The following TNKS2 variants were observed in gnomAD, a reference collection of about 807,000 sequenced individuals.
TNKS2 encodes the protein poly [ADP-ribose] polymerase tankyrase-2.
Under a neutral mutation model 137.6 loss-of-function variants are expected in TNKS2, and 72 were observed. The ratio of observed to expected loss-of-function variants is 0.52; its 90% CI spans 0.43 to 0.64. The LOEUF is 0.64. Ranked by LOEUF, TNKS2 falls within the 30% of genes least tolerant of loss-of-function variation. The probability of loss-of-function intolerance (pLI) is 0.00; values close to 1 mark genes in which losing one functional copy is unlikely to be tolerated. For missense variants in TNKS2, 1,049 were observed against 1,410.2 expected, an observed-to-expected ratio of 0.74 and a Z score of 4.10; for synonymous variants, 516 against 512.1, an observed-to-expected ratio of 1.01 and a Z score of -0.10.
In TNKS2 at chr10:91,840,660, G is replaced by C. The variant is rs548226195; in HGVS notation, c.1627G>C (p.Glu543Gln). 3.5e-5 allele frequency: 56 copies of C among 1,614,018 alleles called. No individual in the cohort carries two copies. The highest frequency in any genetic ancestry group is 8.3e-5 in the Admixed American group (5 of 60,004). ...TGGGTATAACAGAGTGTCCGTGGTG[G>C]AATATCTGCTACAGCATGGAGCTGA... ...AAGYNRVSVV[E>Q]YLLQHGADVH... Residue 543 changes from glutamate to glutamine, a missense_variant, in exon 14 of 27, where the codon GAA becomes CAA. By Grantham distance (29) the Glu-to-Gln change is conservative. This residue lies in a region of TNKS2 where 328 missense variants were observed against 436.0 expected (regional missense o/e 0.75). Transcript: ENST00000371627.
At chr10:91,817,785 C>CCGTT (rs1844758491) in intron 3 of TNKS2, among the ~76,000 whole-genome samples, 1 of 152,172 alleles carries the variant, frequency 6.6e-6, no homozygotes, top group Non-Finnish European at 1.5e-5. Flanking sequence ...GTCCTTGGAA[C>CCGTT]CTATTGCTAT....
At chr10:91,807,543 A>G (rs1360266035) in intron 1 of TNKS2, 4 of 1,048,870 alleles carry the variant, frequency 3.8e-6, no homozygotes, top group South Asian at 2.6e-5. Flanking sequence ...CTGCAATGCC[A>G]TTCTTTCTTA....
chr10:91,810,669 AT>A (rs989411678), intron 1 of TNKS2, among the ~76,000 whole-genome samples: 122 of 141,614 alleles, frequency 8.6e-4, no homozygotes, highest in African/African-American at 9.8e-4. Context: ...CGCCCAGCTA[AT>A]TTTTTTTTTT....
chr10:91,855,548 T>C (rs1460358337), intron 22 of TNKS2, 66 bp from the exon 23 acceptor site: 2 of 1,252,338 alleles, frequency 1.6e-6, no homozygotes, highest in African/African-American at 1.5e-5. Context: ...TCAAGAACCA[T>C]GTTCCCCAAA....
chr10:91,806,217 A>T (rs767112038), intron 1 of TNKS2, among the ~76,000 whole-genome samples: 3 of 152,224 alleles, frequency 2.0e-5, no homozygotes, highest in Non-Finnish European at 2.9e-5. Flanking sequence ...TGAGGAATCA[A>T]CATTACATTT....
chr10:91,833,957 CATT>C lies in TNKS2; in HGVS notation c.1383_1385del (p.Ile462del), dbSNP rs1841907444. Reference sequence around the variant, plus strand: ...TCCTGAGCTATGGGTGTGATCCTAACATTATATCCCTTCAGGGCTTTACTGCTT... The same window carrying C: ...TCCTGAGCTATGGGTGTGATCCTAACATATCCCTTCAGGGCTTTACTGCTT... On this transcript the variant is annotated inframe_deletion, in exon 12 of 27. Coordinates refer to ENST00000371627, the MANE Select transcript of TNKS2 (RefSeq NM_025235.4). 1 of 1,613,642 alleles carries C rather than the reference CATT, an allele frequency of 6.2e-7. No individual in the cohort carries two copies. Among genetic ancestry groups the C allele is most frequent in the Admixed American group, 1.7e-5 (1 of 59,914 alleles).
At chr10:91,834,650 T>C (rs1244707865) in intron 12 of TNKS2, among the ~76,000 whole-genome samples, 1 of 152,248 alleles carries the variant, frequency 6.6e-6, no homozygotes, top group Non-Finnish European at 1.5e-5. Context: ...ATGATCTTTA[T>C]GCCTTTGTTC....
chr10:91,837,406 C>T (rs1313128407), intron 13 of TNKS2, among the ~76,000 whole-genome samples: 1 of 152,144 alleles, frequency 6.6e-6, no homozygotes, highest in Non-Finnish European at 1.5e-5. Context: ...ATTTCTTCAC[C>T]CCATCTACCT....
At chr10:91,853,120 G>A (rs954986399) in intron 21 of TNKS2, among the ~76,000 whole-genome samples, 1 of 152,186 alleles carries the variant, frequency 6.6e-6, no homozygotes, top group Non-Finnish European at 1.5e-5. Flanking sequence ...AGGATAACAA[G>A]AGTCTTTTAG....
intron 2 of TNKS2, among the ~76,000 whole-genome samples, chr10:91,816,102 C>A (rs2133606311): frequency 6.6e-6 from 1 of 152,066 alleles, no homozygotes; most frequent in Middle Eastern, 3.4e-3. Flanking sequence ...GCGCCCGCCA[C>A]CATGCCCAGC....
At chr10:91,841,658 G>A (rs1207919963) in intron 15 of TNKS2, among the ~76,000 whole-genome samples, 1 of 151,912 alleles carries the variant, frequency 6.6e-6, no homozygotes, top group African/African-American at 2.4e-5. Flanking sequence ...TTTGTCTAGA[G>A]CCAACTATCA....
At chr10:91,851,724 C>T (rs1365735144) in intron 21 of TNKS2, among the ~76,000 whole-genome samples, 3 of 152,112 alleles carry the variant, frequency 2.0e-5, no homozygotes, top group Admixed American at 2.0e-4. Flanking sequence ...TTCAGGCTAA[C>T]CCTTAAAGTA....
chr10:91,845,142 A>G (rs564922024), intron 17 of TNKS2, 114 bp downstream of exon 17: 1 of 729,912 alleles, frequency 1.4e-6, no homozygotes, highest in South Asian at 1.6e-5. Flanking sequence ...AGTAAGTGGC[A>G]GAGCTAAAGA....
At chr10:91,825,352 C>T (rs1007324455) in intron 7 of TNKS2, among the ~76,000 whole-genome samples, 3 of 152,214 alleles carry the variant, frequency 2.0e-5, no homozygotes, top group African/African-American at 7.2e-5. Context: ...ATCCACCCAC[C>T]TCAGCCTCCC....
rs140168418 is a variant in TNKS2 at position 91,828,338 on chromosome 10, C to G, written c.1036C>G (p.Arg346Gly). 1 of 1,607,126 alleles carries G rather than the reference C, an allele frequency of 6.2e-7. No homozygotes were observed. The highest frequency in any genetic ancestry group is 8.5e-7 in the Non-Finnish European group (1 of 1,177,202). The change falls in exon 9 of 27, where the codon CGA becomes GGA. Residue 346 changes from arginine (R) to glycine (G), a missense_variant. Arg to Gly is a moderately radical substitution (Grantham distance 125, BLOSUM62 -2). Coordinates refer to ENST00000371627, the MANE Select transcript of TNKS2 (RefSeq NM_025235.4). Reference protein sequence around the residue: ...LQAAREADVTRIKKHLSLEMV... With the variant: ...LQAAREADVTGIKKHLSLEMV... ...AGCTGCACGAGAAGCTGATGTTACTCGAATCAAAAAACATCTCTCTCTGGA... is the reference window on the plus strand; with the variant it reads ...AGCTGCACGAGAAGCTGATGTTACTGGAATCAAAAAACATCTCTCTCTGGA...
At chr10:91,820,991 T>C (rs1279821264) in intron 6 of TNKS2, among the ~76,000 whole-genome samples, 2 of 152,194 alleles carry the variant, frequency 1.3e-5, no homozygotes, top group African/African-American at 4.8e-5. Context: ...AAATGTTGAA[T>C]TGACTTCTAG....
intron 4 of TNKS2, 32 bp downstream of exon 4, chr10:91,819,338 A>T: frequency 6.9e-7 from 1 of 1,444,462 alleles, no homozygotes; most frequent in Non-Finnish European, 9.2e-7. Context: ...ATGTGACAGG[A>T]ATACTTCACC....
Position 91,849,549 on chromosome 10 carries a change from G to A in TNKS2, c.2649G>A (p.Arg883=). The change falls in exon 20 of 27, where the codon AGG becomes AGA. Residue 883 remains arginine, a synonymous_variant. Coordinates refer to ENST00000371627, the MANE Select transcript of TNKS2 (RefSeq NM_025235.4). The part of the protein sequence containing the change: ...GVDFSITQFV[R]NLGLEHLMDI... ...ATTTTAGCATAACTCAATTCGTAAG[G>A]AATCTTGGACTTGAGCACCTAATGG... is the stretch of plus-strand genomic sequence containing the variant. The A allele has an allele frequency of 6.2e-7, 1 of 1,612,232 alleles. No homozygotes were observed. Among genetic ancestry groups the A allele is most frequent in the Non-Finnish European group, 8.5e-7 (1 of 1,179,350 alleles).
At chr10:91,841,912 A>G (rs1413544305) in intron 15 of TNKS2, among the ~76,000 whole-genome samples, 2 of 152,090 alleles carry the variant, frequency 1.3e-5, no homozygotes, top group Non-Finnish European at 2.9e-5. Flanking sequence ...ATTTTTAATG[A>G]AATATGACTT....
Sources: allele counts gnomAD v4.1 joint callset (sites outside exome capture counted in the v4.1 genomes callset), GRCh38; gene constraint gnomAD v4.1.1; regional missense constraint gnomAD v4.1.1; transcripts MANE v1.5; gene names NCBI Gene and HGNC (gene_info 2026-07-23, HGNC 2026-07-21).